The following LOC400499 variants were observed in gnomAD, a reference collection of about 807,000 sequenced individuals.
At chr16:11,441,158 T>C in the LOC400499 span, 1 of 398,254 alleles carries the variant, frequency 2.5e-6, no homozygotes, top group Non-Finnish European at 4.4e-6. Context: ...GGGAATCCAG[T>C]GGTCAGAAGA....
At chr16:11,474,489 G>C in the LOC400499 span, among the ~76,000 whole-genome samples, 1 of 152,264 alleles carries the variant, frequency 6.6e-6, no homozygotes, top group Middle Eastern at 3.4e-3. Flanking sequence ...TTTGTGCACA[G>C]AGCATTTTTA....
At chr16:11,411,298 C>T in the LOC400499 span, 8 of 399,402 alleles carry the variant, frequency 2.0e-5, no homozygotes, top group East Asian at 1.4e-4. Context: ...GAAGGGGAGG[C>T]GATGCCGGCC....
At chr16:11,432,907 A>G in the LOC400499 span, among the ~76,000 whole-genome samples, 2 of 152,170 alleles carry the variant, frequency 1.3e-5, no homozygotes, top group Non-Finnish European at 2.9e-5. Flanking sequence ...TCATGGCATG[A>G]ATTTTGTTTA....
the LOC400499 span, among the ~76,000 whole-genome samples, chr16:11,515,251 G>T: frequency 6.6e-6 from 1 of 151,920 alleles, no homozygotes; most frequent in South Asian, 2.1e-4. Context: ...TTCAAGATCA[G>T]CCTGGACAAC....
the LOC400499 span, among the ~76,000 whole-genome samples, chr16:11,430,667 T>A: frequency 6.6e-6 from 1 of 152,208 alleles, no homozygotes; most frequent in Admixed American, 6.5e-5. Context: ...TTCTTTGCAT[T>A]GTTCTTGCAA....
At chr16:11,482,371 A>C in the LOC400499 span, among the ~76,000 whole-genome samples, 1 of 152,222 alleles carries the variant, frequency 6.6e-6, no homozygotes, top group Non-Finnish European at 1.5e-5. Context: ...CTGAACAGAG[A>C]GCATGCTCGC....
the LOC400499 span, among the ~76,000 whole-genome samples, chr16:11,404,037 C>G: frequency 6.6e-6 from 1 of 152,172 alleles, no homozygotes; most frequent in Non-Finnish European, 1.5e-5. Context: ...AACCTCATTT[C>G]CAAGTGGGGC....
the LOC400499 span, among the ~76,000 whole-genome samples, chr16:11,491,018 C>T: frequency 3.7e-3 from 569 of 152,310 alleles, 3 homozygotes; most frequent in African/African-American, 0.013. Context: ...ACTTACTATG[C>T]TTTCTAAATG....
At chr16:11,512,470 G>A in the LOC400499 span, among the ~76,000 whole-genome samples, 1 of 151,622 alleles carries the variant, frequency 6.6e-6, no homozygotes, top group Non-Finnish European at 1.5e-5. Context: ...AGGCATGGTG[G>A]TGCACACCTA....
At chr16:11,449,036 T>C in the LOC400499 span, 9 of 1,511,334 alleles carry the variant, frequency 6.0e-6, no homozygotes, top group Middle Eastern at 3.4e-4. Flanking sequence ...CCTGCACTGC[T>C]GCGTTCCAGG....
the LOC400499 span, among the ~76,000 whole-genome samples, chr16:11,489,048 GC>G: frequency 1.3e-5 from 2 of 152,326 alleles, no homozygotes; most frequent in African/African-American, 4.8e-5. Flanking sequence ...AACAAGTCGT[GC>G]CTGAACAGAA....
the LOC400499 span, chr16:11,456,713 C>A: frequency 1.0e-6 from 1 of 970,096 alleles, no homozygotes; most frequent in South Asian, 1.6e-5. Context: ...CAGGCGTGAG[C>A]CACTGTGCCT....
At chr16:11,519,214 A>G in the LOC400499 span, among the ~76,000 whole-genome samples, 1 of 152,176 alleles carries the variant, frequency 6.6e-6, no homozygotes, top group Non-Finnish European at 1.5e-5. Context: ...ATTTTGCCCA[A>G]AAAGACGCTG....
the LOC400499 span, chr16:11,491,989 A>G: frequency 2.5e-6 from 1 of 392,918 alleles, no homozygotes; most frequent in Non-Finnish European, 4.5e-6. Context: ...CCCGACACAC[A>G]CTCACCTGTG....
At chr16:11,413,632 T>C in the LOC400499 span, among the ~76,000 whole-genome samples, 1 of 152,208 alleles carries the variant, frequency 6.6e-6, no homozygotes, top group African/African-American at 2.4e-5. Flanking sequence ...GCTAACTTGC[T>C]AGGTGACCTT....
At chr16:11,468,261 A>T in the LOC400499 span, among the ~76,000 whole-genome samples, 2 of 152,248 alleles carry the variant, frequency 1.3e-5, no homozygotes, top group Non-Finnish European at 2.9e-5. Flanking sequence ...GGCGTGCATC[A>T]GTACTTCTGC....
At chr16:11,471,008 G>A in the LOC400499 span, among the ~76,000 whole-genome samples, 1 of 152,240 alleles carries the variant, frequency 6.6e-6, no homozygotes, top group Non-Finnish European at 1.5e-5. Context: ...GTCAGGGAAG[G>A]AGGCCAGCAG....
the LOC400499 span, among the ~76,000 whole-genome samples, chr16:11,395,589 C>T: frequency 6.6e-6 from 1 of 152,230 alleles, no homozygotes; most frequent in East Asian, 1.9e-4. Context: ...CCTCATTCAG[C>T]TCGGATGCCG....
At chr16:11,416,938 T>G in the LOC400499 span, among the ~76,000 whole-genome samples, 1 of 152,044 alleles carries the variant, frequency 6.6e-6, no homozygotes, top group African/African-American at 2.4e-5. Flanking sequence ...TCTAAGAGCT[T>G]TGACTTTCAC....
Sources: allele counts gnomAD v4.1 joint callset (sites outside exome capture counted in the v4.1 genomes callset), GRCh38; gene constraint gnomAD v4.1.1; transcripts MANE v1.5.